Variants in CAPN12 observed in about 807,000 individuals in gnomAD.
CAPN12 encodes the protein calpain 12, also known as calpain-12.
CAPN12 carries 107 observed loss-of-function variants against 95.0 expected under a neutral mutation model. The ratio of observed to expected loss-of-function variants is 1.13; its 90% confidence interval spans 0.96 to 1.32. The LOEUF (loss-of-function observed/expected upper bound fraction) is 1.32. Among genes scored for constraint, CAPN12 ranks in the 40% most tolerant of loss-of-function variants. CAPN12 has a pLI of 0.00. For synonymous variants in CAPN12, 505 were observed against 415.5 expected (o/e 1.22, Z -2.62); for missense variants, 1,136 against 997.8 (o/e 1.14, Z -1.87).
intron 5 of CAPN12, 29 bp from the exon 6 acceptor site, chr19:38,738,677 A>G: frequency 6.2e-7 from 1 of 1,610,898 alleles, no homozygotes; most frequent in Non-Finnish European, 8.5e-7. Flanking sequence ...GGTGAGGCCA[A>G]GGTAGGGGAC....
intron 18 of CAPN12, among the ~76,000 whole-genome samples, chr19:38,731,933 C>T (rs528314584): frequency 2.6e-5 from 4 of 152,250 alleles, no homozygotes; most frequent in African/African-American, 4.8e-5. Flanking sequence ...TCTTCCTGCC[C>T]GTGTGACCTG....
intron 12 of CAPN12, among the ~76,000 whole-genome samples, 180 bp downstream of exon 12, chr19:38,735,930 G>GGCGGGGCGGT (rs1474084196): frequency 2.0e-4 from 1 of 5,060 alleles, no homozygotes; most frequent in Admixed American, 1.5e-3. Context: ...GGCGGGGCGG[G>GGCGGGGCGGT]GGTTCTGGGG....
chr19:38,736,258 C>T lies in CAPN12; in HGVS notation c.1435G>A (p.Asp479Asn). Residue 479 changes from aspartate to asparagine, a missense_variant, in exon 12 of 21, where the codon GAC (aspartate) becomes AAC (asparagine). Coordinates refer to ENST00000328867, the MANE Select transcript of CAPN12 (RefSeq NM_144691.4). ...CGGCGGGCGCTGAGGGGCGAGCGGT[C>T]GGCGCGCAGCAGCCGGGGCAGGAGC... Reference protein sequence around the residue: ...HALLPRLLRADRSPLSARRDV... With the variant: ...HALLPRLLRANRSPLSARRDV... The T allele has an allele frequency of 2.0e-6, 3 of 1,464,236 alleles. No individual in the cohort carries two copies. Among genetic ancestry groups the T allele is most frequent in the Non-Finnish European group, 1.8e-6 (2 of 1,117,006 alleles). 90.7% of individuals were successfully genotyped at this position (1,464,236 alleles called of 1,614,324 possible).
In CAPN12 at chr19:38,734,833, A is replaced by G. The variant is rs1160543235; in HGVS notation, c.1724T>C (p.Leu575Pro). 8.1e-6 allele frequency: 13 copies of G among 1,612,498 alleles called. No homozygotes were observed. The highest frequency in any genetic ancestry group is 1.1e-5 in the Non-Finnish European group (13 of 1,179,806). The change falls in exon 15 of 21, where the codon CTA becomes CCA. Residue 575 changes from leucine (L) to proline (P), a missense_variant. Physicochemically the swap from Leu to Pro is moderately conservative, Grantham distance 98. Transcript: ENST00000328867. Reference sequence around the variant, plus strand: ...CTCACCAGGCTCCAGGGCAATGCTTAGTAAGGCCTGGAGCTGAGAGGCATT... The same window carrying G: ...CTCACCAGGCTCCAGGGCAATGCTTGGTAAGGCCTGGAGCTGAGAGGCATT... ...ELNASQLQALLSIALEPARAH... is the reference protein window; with the variant it reads ...ELNASQLQALPSIALEPARAH...
Position 38,735,353 on chromosome 19 carries a change from C to T in CAPN12, c.1686+17G>A, listed in dbSNP as rs1286213037. 2 of 1,567,460 alleles carry T rather than the reference C, an allele frequency of 1.3e-6. No individual in the cohort carries two copies. Among genetic ancestry groups the T allele is most frequent in the African/African-American group, 2.7e-5 (2 of 74,020 alleles). ...GGCCGCAGCGGGATACCCCCTCAGT[C>T]CAATCCCCCTCCTCACCTCTCCAGC... On this transcript the variant is annotated intron_variant, in intron 14 of 20. Coordinates refer to ENST00000328867, the MANE Select transcript of CAPN12 (RefSeq NM_144691.4).
rs562501812 is a variant in CAPN12 at position 38,737,159 on chromosome 19, G to A, written c.1359C>T (p.Phe453=). Residue 453 remains phenylalanine, a synonymous_variant, in exon 10 of 21, where the codon TTC becomes TTT. Coordinates refer to ENST00000328867, the MANE Select transcript of CAPN12 (RefSeq NM_144691.4). ...LTYLTVGFHV[F]QIPEELLGLW... ...TCAGCTTTGCCCAGGACCTCACCTG[G>A]AACACGTGGAAGCCAACGGTGAGGT... is the stretch of plus-strand genomic sequence containing the variant. 77 of 1,546,174 alleles carry A rather than the reference G, an allele frequency of 5.0e-5. No homozygotes were observed. In the South Asian group the frequency reaches 8.5e-4, roughly 17 times the overall value.
rs764770736 is a variant in CAPN12 at position 38,742,472 on chromosome 19, G to A, written c.364C>T (p.Arg122Cys). The change falls in exon 3 of 21, where the codon CGC becomes TGC. Residue 122 changes from arginine to cysteine, a missense_variant. Transcript: ENST00000328867. ...TCCTGTCCAGGAGGGACCACCCGGC[G>A]CAGGAGCCGGGGATACAGAGTAAGG... ...ASLTLYPRLL[R>C]RVVPPGQDFQ... 1.2e-5 allele frequency: 19 copies of A among 1,613,680 alleles called. No homozygotes were observed. Among genetic ancestry groups the A allele is most frequent in the Admixed American group, 3.3e-5 (2 of 59,916 alleles).
intron 3 of CAPN12, 33 bp downstream of exon 3, chr19:38,742,377 A>G (rs533684632): frequency 4.1e-6 from 6 of 1,447,516 alleles, no homozygotes; most frequent in South Asian, 2.3e-5. Context: ...CCATGGGGGA[A>G]ACGGAGGCAT....
chr19:38,731,527 C>G (rs901248695), intron 18 of CAPN12: 5 of 448,456 alleles, frequency 1.1e-5, no homozygotes, highest in African/African-American at 9.8e-5. Flanking sequence ...GGGGCTTTCT[C>G]CTTGCCAGTG....
intron 14 of CAPN12, 67 bp downstream of exon 14, chr19:38,735,303 G>C (rs530039635): frequency 6.9e-7 from 1 of 1,441,022 alleles, no homozygotes; most frequent in Non-Finnish European, 9.3e-7. Flanking sequence ...ATGCTGGGGT[G>C]GGGGAAGGGG....
intron 12 of CAPN12, 84 bp downstream of exon 12, chr19:38,736,003 AGGTCAGGTCTCGGGGGTCTCGGG>A (rs1970097485): frequency 3.2e-6 from 1 of 315,624 alleles, no homozygotes; most frequent in Non-Finnish European, 4.3e-6. Context: ...GGGGCGGGGC[AGGTCAGGTCTCGGGGGTCTCGGG>A]GGTCTCGGGG....
chr19:38,735,306 G>GGAAGGGGGGTCCC, intron 14 of CAPN12, 64 bp downstream of exon 14: 10 of 1,469,684 alleles, frequency 6.8e-6, no homozygotes, highest in African/African-American at 1.4e-5. Flanking sequence ...CTGGGGTGGG[G>GGAAGGGGGGTCCC]GAAGGGGGGT....
Position 38,734,885 on chromosome 19 carries a change from A to G in CAPN12, c.1687-15T>C. Reference sequence around the variant, plus strand: ...AGTTCTTCCTCCTAGTCCAGGAAAGAGGGCTTGTGAGGCCATTTACTCATC... The same window carrying G: ...AGTTCTTCCTCCTAGTCCAGGAAAGGGGGCTTGTGAGGCCATTTACTCATC... On this transcript the variant is annotated splice_polypyrimidine_tract_variant and intron_variant, in intron 14 of 20. Coordinates refer to ENST00000328867, the MANE Select transcript of CAPN12 (RefSeq NM_144691.4). 6.2e-7 allele frequency: 1 copy of G among 1,612,092 alleles called. No homozygotes were observed. The highest frequency in any genetic ancestry group is 8.5e-7 in the Non-Finnish European group (1 of 1,179,446).
At chr19:38,734,950 G>A in intron 14 of CAPN12, 80 bp from the exon 15 acceptor site, 1 of 1,373,100 alleles carries the variant, frequency 7.3e-7, no homozygotes. Context: ...GGACACGGCA[G>A]GGGCTGACAG....
Position 38,738,259 on chromosome 19 carries a change from C to T in CAPN12, c.965+14G>A, listed in dbSNP as rs201763703. 3.7e-6 allele frequency: 6 copies of T among 1,611,890 alleles called. No homozygotes were observed. The East Asian group carries it at 1.1e-4, about 30-fold the overall frequency. ...ACCCTCCCAGAGGCAGAGCTGGGAC[C>T]CTGACGAACTGACCAGAACTCGCCA... On this transcript the variant is annotated intron_variant, in intron 8 of 20. Transcript: ENST00000328867.
rs1211844652 is a variant in CAPN12, at chr19:38,735,431, T to C, written c.1627-2A>G. ...CAGCTCCAGGGGCAGGTAGGGGCCC[T>C]GCCGCATGGCGGAAGTTTAGCGCTG... On this transcript the variant is annotated splice_acceptor_variant, in intron 13 of 20. Coordinates refer to ENST00000328867, the MANE Select transcript of CAPN12 (RefSeq NM_144691.4). LOFTEE classifies it high-confidence loss of function. The C allele has an allele frequency of 2.5e-6, 4 of 1,610,564 alleles. No homozygotes were observed. Among genetic ancestry groups the C allele is most frequent in the Non-Finnish European group, 3.4e-6 (4 of 1,178,928 alleles).
At chr19:38,731,833 C>T (rs987869042) in intron 18 of CAPN12, among the ~76,000 whole-genome samples, 5 of 152,240 alleles carry the variant, frequency 3.3e-5, no homozygotes, top group African/African-American at 1.2e-4. Context: ...TGTGTTCATT[C>T]TCTTCACAAA....
rs1362535873 is a variant in CAPN12, at chr19:38,736,232, G to A, written c.1461C>T (p.Arg487=). 4.7e-6 allele frequency: 7 copies of A among 1,495,024 alleles called. No homozygotes were observed. In the East Asian group the frequency reaches 1.7e-4, roughly 35 times the overall value. 92.6% of individuals were successfully genotyped at this position (1,495,024 alleles called of 1,614,324 possible). The change falls in exon 12 of 21, where the codon CGC becomes CGT. Residue 487 remains arginine, a synonymous_variant. Transcript: ENST00000328867. ...RADRSPLSAR[R]DVTRRCCLRP... ...GCAGGCAGCAGCGGCGGGTCACGTC[G>A]CGGCGGGCGCTGAGGGGCGAGCGGT... is the stretch of plus-strand genomic sequence containing the variant.
chr19:38,740,515 C>G (rs1020265642), intron 4 of CAPN12, among the ~76,000 whole-genome samples: 5 of 152,138 alleles, frequency 3.3e-5, no homozygotes, highest in African/African-American at 1.2e-4. Flanking sequence ...ATTTCAGACT[C>G]TTGGCCAGGC....
Sources: allele counts gnomAD v4.1 joint callset (sites outside exome capture counted in the v4.1 genomes callset), GRCh38; gene constraint gnomAD v4.1.1; transcripts MANE v1.5; gene names NCBI Gene and HGNC (gene_info 2026-07-23, HGNC 2026-07-21).